CALCR: variants seen among roughly 807,000 people sequenced by gnomAD.
CALCR encodes calcitonin receptor.
Under a neutral mutation model 59.5 loss-of-function variants are expected in CALCR, and 47 were observed. The observed-to-expected ratio is 0.79, with a 90% CI of 0.63 to 1.01. The LOEUF (loss-of-function observed/expected upper bound fraction) is 1.01. CALCR is among the 50% of genes least tolerant of loss of function. The pLI is 0.00. For synonymous variants in CALCR, 213 were observed against 211.3 expected (o/e 1.01, Z -0.07); for missense variants, 566 against 597.1 (o/e 0.95, Z 0.54).
chr7:93,473,638 C>T lies in CALCR; in HGVS notation c.317-1151G>A, dbSNP rs577120687. 7.2e-5 allele frequency among the ~76,000 whole-genome samples: 10 copies of T among 138,094 alleles called. No homozygotes were observed. In the South Asian group the frequency reaches 2.2e-3, roughly 30 times the overall value. 90.6% of individuals were successfully genotyped at this position (138,094 alleles called of 152,430 possible). A position where few individuals can be genotyped will look rare whatever the true frequency, so the allele number is the denominator to read the frequency against. On this transcript the variant is annotated intron_variant, in intron 5 of 13. Transcript: ENST00000426151. ...TGATGCTTAGCAAAGAGGAGGAAAG[C>T]CTGACATCTTACTATCCCTCCAACC...
At chr7:93,492,627 T>C (rs1457206822) in intron 2 of CALCR, among the ~76,000 whole-genome samples, 1 of 151,454 alleles carries the variant, frequency 6.6e-6, no homozygotes, top group African/African-American at 2.4e-5. Flanking sequence ...AATGTAAATA[T>C]GAGCTGGATG....
chr7:93,471,317 A>T lies in CALCR; in HGVS notation c.429+1058T>A, dbSNP rs193033430. ...AATCAGACTTTATTAACAGCTCTCCATTAGGGTGTAGACATGCATCTGATT... is the reference window on the plus strand; with the variant it reads ...AATCAGACTTTATTAACAGCTCTCCTTTAGGGTGTAGACATGCATCTGATT... On this transcript the variant is annotated intron_variant, in intron 6 of 13. Transcript: ENST00000426151. Among the ~76,000 whole-genome samples, 137 of 151,890 alleles carry T rather than the reference A, an allele frequency of 9.0e-4. 2 individuals are homozygous for T. The highest frequency in any genetic ancestry group is 3.2e-3 in the African/African-American group (133 of 41,480).
intron 5 of CALCR, among the ~76,000 whole-genome samples, chr7:93,473,582 C>T (rs1010349599): frequency 1.7e-4 from 18 of 106,718 alleles, no homozygotes; most frequent in Admixed American, 5.5e-4. Context: ...CTGGTTTGGC[C>T]CCCCCCCCTT....
At chr7:93,536,353 G>A (rs756771508) in intron 2 of CALCR, among the ~76,000 whole-genome samples, 5 of 151,870 alleles carry the variant, frequency 3.3e-5, no homozygotes, top group South Asian at 2.1e-4. Flanking sequence ...GTCTCATAGT[G>A]CCATTCACTT....
intron 8 of CALCR, among the ~76,000 whole-genome samples, chr7:93,449,744 AC>A (rs1388835242): frequency 6.6e-6 from 1 of 152,084 alleles, no homozygotes; most frequent in African/African-American, 2.4e-5. Context: ...TACAATTCTT[AC>A]AAATGTCTAC....
In CALCR at chr7:93,504,855, A is replaced by G. The variant is rs190764888; in HGVS notation, c.-26-17848T>C. On this transcript the variant is annotated intron_variant, in intron 2 of 13. Transcript: ENST00000426151. ...ATTGTGACTGACATCTCCAAGTTCTATCTAAAGCAGACGCACCCATACAAG... is the reference window on the plus strand; with the variant it reads ...ATTGTGACTGACATCTCCAAGTTCTGTCTAAAGCAGACGCACCCATACAAG... Among the ~76,000 whole-genome samples the G allele has an allele frequency of 1.7e-3, 266 of 152,274 alleles. 1 individual carries two copies. Among genetic ancestry groups the G allele is most frequent in the African/African-American group, 6.2e-3 (256 of 41,560 alleles).
At chr7:93,472,514 C>CATTA (rs1302014442) in intron 5 of CALCR, 27 bp from the exon 6 acceptor site, 2 of 1,236,598 alleles carry the variant, frequency 1.6e-6, no homozygotes, top group Non-Finnish European at 2.4e-6. Flanking sequence ...ACAGTTATTG[C>CATTA]ATTAATATCT....
chr7:93,517,805 G>A (rs181054559), intron 2 of CALCR, among the ~76,000 whole-genome samples: 26 of 151,904 alleles, frequency 1.7e-4, no homozygotes, highest in Middle Eastern at 3.4e-3. Flanking sequence ...ACCTCATTGA[G>A]TAAAATATTG....
intron 2 of CALCR, among the ~76,000 whole-genome samples, chr7:93,551,809 A>G (rs1198263534): frequency 6.6e-6 from 1 of 152,168 alleles, no homozygotes; most frequent in African/African-American, 2.4e-5. Flanking sequence ...ACAAATGTGA[A>G]ATTATATCCT....
intron 12 of CALCR, 116 bp from the exon 13 acceptor site, chr7:93,434,410 A>G: frequency 1.5e-6 from 1 of 674,780 alleles, no homozygotes. Flanking sequence ...AAAGCAAGAA[A>G]AAGAATTATC....
chr7:93,533,252 C>A (rs1244261348), intron 2 of CALCR, among the ~76,000 whole-genome samples: 1 of 151,890 alleles, frequency 6.6e-6, no homozygotes, highest in Non-Finnish European at 1.5e-5. Flanking sequence ...AACTGTACTC[C>A]CTTTTTCATG....
intron 5 of CALCR, among the ~76,000 whole-genome samples, chr7:93,476,652 C>A (rs1272271435): frequency 6.6e-6 from 1 of 151,802 alleles, no homozygotes. Context: ...TTGGCAAGAG[C>A]CCCATTGTTA....
intron 2 of CALCR, among the ~76,000 whole-genome samples, chr7:93,488,947 T>G (rs1801012697): frequency 6.6e-6 from 1 of 151,770 alleles, no homozygotes; most frequent in African/African-American, 2.4e-5. Context: ...CCAACCCAAA[T>G]CAACAGAATA....
intron 2 of CALCR, among the ~76,000 whole-genome samples, chr7:93,517,602 AAAAC>A (rs1801677095): frequency 6.6e-6 from 1 of 151,922 alleles, no homozygotes; most frequent in Non-Finnish European, 1.5e-5. Context: ...TATGGAAAGA[AAAAC>A]AAAACTTTAA....
chr7:93,442,244 C>T (rs373531314), intron 9 of CALCR, among the ~76,000 whole-genome samples: 3 of 152,150 alleles, frequency 2.0e-5, no homozygotes, highest in African/African-American at 7.2e-5. Flanking sequence ...ATTCTGACAA[C>T]TTCTCTGTAT....
At chr7:93,471,871 A>C (rs969651269) in intron 6 of CALCR, among the ~76,000 whole-genome samples, 4 of 151,856 alleles carry the variant, frequency 2.6e-5, no homozygotes, top group Non-Finnish European at 5.9e-5. Context: ...CTTCCACTGA[A>C]AATAATCTAA....
chr7:93,483,928 T>C (rs529370340), intron 3 of CALCR: 2 of 478,046 alleles, frequency 4.2e-6, no homozygotes, highest in Non-Finnish European at 9.1e-6. Context: ...TCTTAATTGT[T>C]GTCCCATGTA....
intron 2 of CALCR, among the ~76,000 whole-genome samples, chr7:93,491,477 G>T (rs1801075871): frequency 1.3e-5 from 2 of 152,022 alleles, no homozygotes; most frequent in South Asian, 4.1e-4. Context: ...GCAATCTACA[G>T]AATGGGAGAA....
intron 2 of CALCR, among the ~76,000 whole-genome samples, chr7:93,547,289 G>A (rs1789315191): frequency 6.6e-6 from 1 of 152,136 alleles, no homozygotes; most frequent in Admixed American, 6.6e-5. Flanking sequence ...GCTATAGATA[G>A]CACTGCAGTT....
Sources: allele counts gnomAD v4.1 joint callset (sites outside exome capture counted in the v4.1 genomes callset), GRCh38; gene constraint gnomAD v4.1.1; transcripts MANE v1.5; gene names NCBI Gene and HGNC (gene_info 2026-07-23, HGNC 2026-07-21).